Variants in PDGFC observed in about 807,000 individuals in gnomAD.
The protein encoded by PDGFC is platelet derived growth factor C, also known as platelet-derived growth factor C.
PDGFC carries 12 observed loss-of-function variants against 35.5 expected under a neutral mutation model. The ratio of observed to expected loss-of-function variants is 0.34; its 90% confidence interval spans 0.22 to 0.55. PDGFC has a LOEUF of 0.55. Among genes scored for constraint, PDGFC ranks in the 20% least tolerant of loss-of-function variants. PDGFC has a pLI of 0.91. For synonymous variants in PDGFC, 159 were observed against 148.8 expected (o/e 1.07, Z -0.50); for missense variants, 322 against 412.4 (o/e 0.78, Z 1.90).
In PDGFC at chr4:156,850,239, G is replaced by A; in HGVS notation, c.296C>T (p.Pro99Leu). The A allele has an allele frequency of 1.3e-6, 2 of 1,580,074 alleles. No homozygotes were observed. The highest frequency in any genetic ancestry group is 2.3e-5 in the East Asian group (1 of 44,170). Residue 99 changes from proline (P) to leucine (L), a missense_variant, in exon 2 of 6, where the codon CCA (proline) becomes CTA (leucine). Physicochemically the swap from Pro to Leu is moderately conservative, Grantham distance 98. Transcript: ENST00000502773. ...TFDERFGLEDPEDDICKYDFV... is the reference protein window; with the variant it reads ...TFDERFGLEDLEDDICKYDFV... ...CACTTACTTGCATATGTCATCTTCT[G>A]GGTCTTCAAGCCCAAATCTTTCATC...
intron 1 of PDGFC, among the ~76,000 whole-genome samples, chr4:156,862,377 C>G (rs984823680): frequency 2.6e-5 from 4 of 152,018 alleles, no homozygotes; most frequent in African/African-American, 9.7e-5. Flanking sequence ...GCATGAGGTA[C>G]CTCTTGAAGA....
intron 3 of PDGFC, among the ~76,000 whole-genome samples, chr4:156,782,913 C>T (rs2110852936): frequency 6.6e-6 from 1 of 152,174 alleles, no homozygotes; most frequent in Non-Finnish European, 1.5e-5. Context: ...ATAATATAGC[C>T]ATTGTGAGGT....
intron 3 of PDGFC, among the ~76,000 whole-genome samples, chr4:156,780,437 C>A (rs1209076589): frequency 6.6e-6 from 1 of 152,084 alleles, no homozygotes; most frequent in Non-Finnish European, 1.5e-5. Context: ...AGAAATTTAT[C>A]CTACAGTACA....
At chr4:156,858,876 C>G (rs1343113024) in intron 1 of PDGFC, among the ~76,000 whole-genome samples, 1 of 151,940 alleles carries the variant, frequency 6.6e-6, no homozygotes. Flanking sequence ...AATTTTCTAC[C>G]TGTGTTGGAC....
At chr4:156,872,468 T>A (rs1374521667) in intron 1 of PDGFC, among the ~76,000 whole-genome samples, 1 of 152,220 alleles carries the variant, frequency 6.6e-6, no homozygotes, top group Non-Finnish European at 1.5e-5. Flanking sequence ...TGCCAGAGTC[T>A]GACTTCTTGC....
intron 1 of PDGFC, among the ~76,000 whole-genome samples, chr4:156,904,428 C>T (rs768132724): frequency 1.3e-5 from 2 of 151,954 alleles, no homozygotes; most frequent in Non-Finnish European, 2.9e-5. Context: ...AATAAAATAA[C>T]ACCTGGGAAG....
At chr4:156,833,413 T>A (rs1728991108) in intron 2 of PDGFC, among the ~76,000 whole-genome samples, 1 of 152,202 alleles carries the variant, frequency 6.6e-6, no homozygotes, top group South Asian at 2.1e-4. Context: ...GAGAATAAAC[T>A]TTAACTTTGC....
At chr4:156,881,536 T>C (rs1185950133) in intron 1 of PDGFC, among the ~76,000 whole-genome samples, 5 of 152,086 alleles carry the variant, frequency 3.3e-5, no homozygotes, top group Non-Finnish European at 5.9e-5. Context: ...GGTGTTCTCA[T>C]GATAAGCAAT....
At chr4:156,816,392 T>G (rs1291120516) in intron 2 of PDGFC, among the ~76,000 whole-genome samples, 1 of 152,204 alleles carries the variant, frequency 6.6e-6, no homozygotes, top group Non-Finnish European at 1.5e-5. Flanking sequence ...AGAATGCAAC[T>G]GGTACACAAA....
chr4:156,958,102 C>T (rs1313481946), intron 1 of PDGFC, among the ~76,000 whole-genome samples: 1 of 151,918 alleles, frequency 6.6e-6, no homozygotes, highest in African/African-American at 2.4e-5. Flanking sequence ...GCTTTTTATT[C>T]TCTAATATAC....
chr4:156,793,555 AT>A (rs1453146894), intron 3 of PDGFC, among the ~76,000 whole-genome samples: 22 of 145,544 alleles, frequency 1.5e-4, no homozygotes, highest in African/African-American at 4.8e-4. Flanking sequence ...ATATATATAT[AT>A]ATATATAAAA....
chr4:156,844,830 A>G (rs571265248), intron 2 of PDGFC, among the ~76,000 whole-genome samples: 5 of 152,170 alleles, frequency 3.3e-5, no homozygotes, highest in Middle Eastern at 3.4e-3. Flanking sequence ...ATTTGCAAAT[A>G]TATGTAACCT....
At chr4:156,868,420 A>T (rs1438693076) in intron 1 of PDGFC, among the ~76,000 whole-genome samples, 2 of 152,194 alleles carry the variant, frequency 1.3e-5, no homozygotes, top group East Asian at 3.8e-4. Context: ...ACTACCCATT[A>T]AGGATTATCT....
At chr4:156,798,646 G>A (rs998082027) in intron 3 of PDGFC, among the ~76,000 whole-genome samples, 2 of 152,020 alleles carry the variant, frequency 1.3e-5, no homozygotes, top group African/African-American at 4.8e-5. Flanking sequence ...AGCTTGAGAT[G>A]GCTTCTCAAG....
At chr4:156,965,312 ACCTGT>A (rs1352696375) in intron 1 of PDGFC, among the ~76,000 whole-genome samples, 2 of 152,122 alleles carry the variant, frequency 1.3e-5, no homozygotes, top group African/African-American at 4.8e-5. Context: ...ACTCTGCCAT[ACCTGT>A]CTCAGGTGCT....
chr4:156,959,720 G>A (rs1208915519), intron 1 of PDGFC, among the ~76,000 whole-genome samples: 1 of 151,902 alleles, frequency 6.6e-6, no homozygotes, highest in Non-Finnish European at 1.5e-5. Context: ...ACTTCTTCCA[G>A]AAGATTTGCA....
chr4:156,882,959 C>T (rs575052947), intron 1 of PDGFC, among the ~76,000 whole-genome samples: 4 of 152,074 alleles, frequency 2.6e-5, no homozygotes, highest in Non-Finnish European at 4.4e-5. Context: ...TGGCAGACAC[C>T]TGTAGTCCCA....
At chr4:156,888,553 T>C (rs967020516) in intron 1 of PDGFC, among the ~76,000 whole-genome samples, 2 of 152,324 alleles carry the variant, frequency 1.3e-5, no homozygotes, top group South Asian at 2.1e-4. Context: ...AAGAAATCTT[T>C]CTTGAGAAAT....
At chr4:156,782,224 C>T (rs972797110) in intron 3 of PDGFC, among the ~76,000 whole-genome samples, 4 of 152,170 alleles carry the variant, frequency 2.6e-5, no homozygotes, top group Admixed American at 2.6e-4. Flanking sequence ...TGCTAAAGAA[C>T]TTAAAAAATA....
Sources: allele counts gnomAD v4.1 joint callset (sites outside exome capture counted in the v4.1 genomes callset), GRCh38; gene constraint gnomAD v4.1.1; transcripts MANE v1.5; gene names NCBI Gene and HGNC (gene_info 2026-07-23, HGNC 2026-07-21).